Variants in FBXO4 observed in about 807,000 individuals in gnomAD.
The protein encoded by FBXO4 is F-box protein 4.
Under a neutral mutation model 43.7 loss-of-function variants are expected in FBXO4, and 36 were observed. The observed-to-expected ratio is 0.82, with a 90% confidence interval of 0.63 to 1.09. The LOEUF (loss-of-function observed/expected upper bound fraction) is 1.09. FBXO4 is among the 50% of genes least tolerant of loss of function. The pLI is 0.00. For synonymous variants in FBXO4, 180 were observed against 165.6 expected, an observed-to-expected ratio of 1.09 and a Z score of -0.67; for missense variants, 435 against 474.1, an observed-to-expected ratio of 0.92 and a Z score of 0.77.
chr5:41,935,287 C>CCT (rs1300201446), intron 5 of FBXO4, among the ~76,000 whole-genome samples: 1 of 152,160 alleles, frequency 6.6e-6, no homozygotes, highest in Admixed American at 6.5e-5. Flanking sequence ...TTCCCACTGG[C>CCT]CTCTACTAGG....
intron 1 of FBXO4, 26 bp from the exon 2 acceptor site, chr5:41,926,987 C>G (rs1228659514): frequency 1.8e-5 from 26 of 1,438,134 alleles, no homozygotes; most frequent in Non-Finnish European, 2.3e-5. Flanking sequence ...TTCCTTTTTC[C>G]TACCTGCTGC....
At chr5:41,982,472 A>G in the FBXO4 span, among the ~76,000 whole-genome samples, 1 of 152,130 alleles carries the variant, frequency 6.6e-6, no homozygotes, top group African/African-American at 2.4e-5. Flanking sequence ...ATTTGCATAT[A>G]TTTGATGAAT....
chr5:41,972,814 C>A, the FBXO4 span, among the ~76,000 whole-genome samples: 4 of 152,044 alleles, frequency 2.6e-5, no homozygotes. Flanking sequence ...TGACAACAAG[C>A]AATGGGAAAA....
At chr5:42,005,327 C>A in the FBXO4 span, among the ~76,000 whole-genome samples, 159 of 152,250 alleles carry the variant, frequency 1.0e-3, no homozygotes, top group African/African-American at 3.6e-3. Flanking sequence ...GATGGCTATA[C>A]GTGCACAGTT....
intron 5 of FBXO4, among the ~76,000 whole-genome samples, chr5:41,939,016 C>G (rs776769281): frequency 3.3e-5 from 5 of 152,160 alleles, no homozygotes; most frequent in Non-Finnish European, 7.4e-5. Context: ...GAGTGATGCC[C>G]CATCTTATTT....
the FBXO4 span, among the ~76,000 whole-genome samples, chr5:41,988,123 G>C: frequency 6.6e-6 from 1 of 152,118 alleles, no homozygotes; most frequent in Non-Finnish European, 1.5e-5. Flanking sequence ...ACATGTGGGG[G>C]GGAGAGAAAA....
At chr5:41,961,732 G>C in the FBXO4 span, among the ~76,000 whole-genome samples, 1 of 152,272 alleles carries the variant, frequency 6.6e-6, no homozygotes, top group African/African-American at 2.4e-5. Flanking sequence ...TTATGGGCAG[G>C]GCACTTGTAT....
chr5:42,000,910 T>A, the FBXO4 span, among the ~76,000 whole-genome samples: 1 of 152,166 alleles, frequency 6.6e-6, no homozygotes, highest in Non-Finnish European at 1.5e-5. Context: ...ATTTCTGGGG[T>A]CTCCGTTCTG....
chr5:41,929,168 T>C (rs1292711052), intron 2 of FBXO4, among the ~76,000 whole-genome samples: 2 of 152,224 alleles, frequency 1.3e-5, no homozygotes, highest in African/African-American at 4.8e-5. Context: ...TCTTTAGTGC[T>C]GAGTTTCTCA....
chr5:42,017,396 GTTTATTTTAT>G, the FBXO4 span, among the ~76,000 whole-genome samples: 4 of 151,690 alleles, frequency 2.6e-5, no homozygotes, highest in Admixed American at 1.3e-4. Context: ...TTTTAAGGTA[GTTTATTTTAT>G]TTTATTTTAT....
rs920596033 is a variant in FBXO4 at position 41,934,318 on chromosome 5, C to T, written c.898+10C>T. The T allele has an allele frequency of 1.2e-6, 2 of 1,613,698 alleles. No homozygotes were observed. The highest frequency in any genetic ancestry group is 2.7e-5 in the African/African-American group (2 of 74,922). On this transcript the variant is annotated intron_variant, in intron 5 of 6. Transcript: ENST00000281623. ...GCTGAAGCTCATAAAAGTAAGTACT[C>T]ATATGTACATTTTTAAGCACATTGT...
chr5:41,963,217 C>T, the FBXO4 span, among the ~76,000 whole-genome samples: 1 of 151,722 alleles, frequency 6.6e-6, no homozygotes, highest in East Asian at 1.9e-4. Context: ...TATATACACA[C>T]ACTACACATA....
chr5:42,025,591 G>A, the FBXO4 span, among the ~76,000 whole-genome samples: 1 of 151,890 alleles, frequency 6.6e-6, no homozygotes, highest in African/African-American at 2.4e-5. Flanking sequence ...TGTGCTCATG[G>A]GGTATTAATC....
the FBXO4 span, chr5:41,967,421 G>T: frequency 1.8e-6 from 1 of 552,746 alleles, no homozygotes; most frequent in South Asian, 1.6e-5. Flanking sequence ...GATCAGATTT[G>T]GAACACCTGC....
rs1354686426 is a variant in FBXO4 at position 41,939,451 on chromosome 5, G to T, written c.909G>T (p.Trp303Cys). Reference sequence around the variant, plus strand: ...ACTTACATTCCTTAGGACATGAATGGCAAGATGAATTTTCTCATATTATGG... The same window carrying T: ...ACTTACATTCCTTAGGACATGAATGTCAAGATGAATTTTCTCATATTATGG... ...ANAEAHKRHE[W>C]QDEFSHIMAM... The change falls in exon 6 of 7, where the codon TGG becomes TGT. Residue 303 changes from tryptophan to cysteine, a missense_variant. Trp to Cys is a radical substitution (Grantham distance 215, BLOSUM62 -2). Coordinates refer to ENST00000281623, the MANE Select transcript of FBXO4 (RefSeq NM_012176.3). 1 of 1,608,616 alleles carries T rather than the reference G, an allele frequency of 6.2e-7. No individual in the cohort carries two copies. The highest frequency in any genetic ancestry group is 1.1e-5 in the South Asian group (1 of 90,076).
chr5:41,939,135 A>G (rs1474205923), intron 5 of FBXO4, among the ~76,000 whole-genome samples: 1 of 152,232 alleles, frequency 6.6e-6, no homozygotes, highest in African/African-American at 2.4e-5. Flanking sequence ...AAACACTCCA[A>G]TAGAAGGTTG....
the FBXO4 span, among the ~76,000 whole-genome samples, chr5:41,999,493 ACATATATATATG>A: frequency 1.6e-5 from 1 of 63,516 alleles, no homozygotes; most frequent in African/African-American, 7.1e-5. Flanking sequence ...ATATATATAT[ACATATATATATG>A]TGTATATATA....
chr5:42,029,620 TTATTG>T, the FBXO4 span, among the ~76,000 whole-genome samples: 2 of 151,928 alleles, frequency 1.3e-5, no homozygotes, highest in African/African-American at 4.8e-5. Flanking sequence ...TAGGTGTGCT[TTATTG>T]TTTTTATTTA....
chr5:41,994,523 G>T, the FBXO4 span, among the ~76,000 whole-genome samples: 3 of 152,082 alleles, frequency 2.0e-5, no homozygotes, highest in Non-Finnish European at 4.4e-5. Context: ...TTCCTGAAGG[G>T]TCTGGGCCAT....
Sources: allele counts gnomAD v4.1 joint callset (sites outside exome capture counted in the v4.1 genomes callset), GRCh38; gene constraint gnomAD v4.1.1; transcripts MANE v1.5; gene names NCBI Gene and HGNC (gene_info 2026-07-23, HGNC 2026-07-21).